Variants in VAT1L observed in about 807,000 individuals in gnomAD.
VAT1L encodes putative NADPH-dependent quinone oxidoreductase VAT1L.
Under a neutral mutation model 44.1 loss-of-function variants are expected in VAT1L, and 34 were observed. That is an observed-to-expected ratio of 0.77 (90% confidence interval 0.59 to 1.03). The LOEUF is 1.03. Ranked by LOEUF, VAT1L falls within the 50% of genes least tolerant of loss-of-function variation. The probability of loss-of-function intolerance (pLI) is 0.00; values close to 1 mark genes in which losing one functional copy is unlikely to be tolerated. For synonymous variants in VAT1L, 253 were observed against 202.2 expected, an observed-to-expected ratio of 1.25 and a Z score of -2.13; for missense variants, 615 against 538.8, an observed-to-expected ratio of 1.14 and a Z score of -1.40.
At chr16:77,931,152 G>A (rs915090417) in intron 7 of VAT1L, among the ~76,000 whole-genome samples, 8 of 152,076 alleles carry the variant, frequency 5.3e-5, no homozygotes, top group Non-Finnish European at 8.8e-5. Flanking sequence ...TTGCCTCCTC[G>A]ATAGAATTAT....
chr16:77,881,453 T>G lies in VAT1L; in HGVS notation c.882+2229T>G, dbSNP rs552095792. Among the ~76,000 whole-genome samples the G allele has an allele frequency of 4.8e-4, 73 of 152,224 alleles. 1 individual carries two copies. Among genetic ancestry groups the G allele is most frequent in the Non-Finnish European group, 1.0e-4 (7 of 68,004 alleles). ...ATTAAACCTCTGAAGAGGATAAAAA[T>G]CAAGTGCTAAAATAGAAAATAGCAG... On this transcript the variant is annotated intron_variant, in intron 6 of 8. Transcript: ENST00000302536.
At chr16:77,792,148 C>G (rs1262539065) in intron 1 of VAT1L, among the ~76,000 whole-genome samples, 1 of 152,142 alleles carries the variant, frequency 6.6e-6, no homozygotes, top group Non-Finnish European at 1.5e-5. Context: ...AAGACACTGC[C>G]GCGTTGTCAG....
At chr16:77,794,747 ACT>A (rs2015897764) in intron 1 of VAT1L, among the ~76,000 whole-genome samples, 1 of 152,050 alleles carries the variant, frequency 6.6e-6, no homozygotes, top group African/African-American at 2.4e-5. Flanking sequence ...GTTCTGAATC[ACT>A]CTGTATTGGA....
At chr16:77,794,860 A>G (rs904164072) in intron 1 of VAT1L, among the ~76,000 whole-genome samples, 1 of 152,008 alleles carries the variant, frequency 6.6e-6, no homozygotes, top group Non-Finnish European at 1.5e-5. Context: ...AGCTCGGGTC[A>G]TTTTTATTTA....
At chr16:77,833,958 G>C (rs1364811273) in intron 3 of VAT1L, among the ~76,000 whole-genome samples, 1 of 151,972 alleles carries the variant, frequency 6.6e-6, no homozygotes, top group East Asian at 1.9e-4. Flanking sequence ...TTTACTTCTG[G>C]CCCCAGTATC....
At chr16:77,962,566 C>T (rs907284789) in intron 7 of VAT1L, among the ~76,000 whole-genome samples, 5 of 133,148 alleles carry the variant, frequency 3.8e-5, no homozygotes, top group East Asian at 4.4e-4. Flanking sequence ...ATATCATAGG[C>T]GGGACCATCC....
At chr16:77,967,470 C>A (rs1055913334) in intron 7 of VAT1L, among the ~76,000 whole-genome samples, 1 of 152,170 alleles carries the variant, frequency 6.6e-6, no homozygotes, top group Non-Finnish European at 1.5e-5. Flanking sequence ...ACATTGTCAT[C>A]AGAAAGGCTC....
chr16:77,818,538 T>C (rs909558036), intron 2 of VAT1L, among the ~76,000 whole-genome samples: 2 of 152,174 alleles, frequency 1.3e-5, no homozygotes, highest in Admixed American at 6.6e-5. Context: ...AAAGAAAAGA[T>C]CATGCAGCTC....
chr16:77,885,368 G>T (rs2017199284), intron 7 of VAT1L, among the ~76,000 whole-genome samples: 1 of 152,138 alleles, frequency 6.6e-6, no homozygotes, highest in South Asian at 2.1e-4. Flanking sequence ...AACCCCTAAT[G>T]GAGCCTCGAA....
intron 7 of VAT1L, among the ~76,000 whole-genome samples, chr16:77,913,850 G>A (rs2142487652): frequency 6.6e-6 from 1 of 152,338 alleles, no homozygotes; most frequent in Middle Eastern, 3.4e-3. Flanking sequence ...ATTTGGGGAT[G>A]TAAGTTAGGG....
chr16:77,880,959 T>C (rs897017223), intron 6 of VAT1L, among the ~76,000 whole-genome samples: 24 of 152,194 alleles, frequency 1.6e-4, no homozygotes, highest in Non-Finnish European at 1.8e-4. Flanking sequence ...TAGTATTCCA[T>C]GGTGTATACG....
At chr16:77,911,412 C>T (rs2017498534) in intron 7 of VAT1L, among the ~76,000 whole-genome samples, 1 of 152,150 alleles carries the variant, frequency 6.6e-6, no homozygotes, top group South Asian at 2.1e-4. Flanking sequence ...GGATTCAGTA[C>T]TTCTCTTAAA....
intron 7 of VAT1L, among the ~76,000 whole-genome samples, chr16:77,904,200 T>C (rs888347784): frequency 2.7e-5 from 4 of 147,626 alleles, no homozygotes; most frequent in Admixed American, 6.7e-5. Context: ...TTTTTTTTTT[T>C]CCATTAAAGG....
rs374702213 is a variant in VAT1L, at chr16:77,947,525, A to AGGGTT, written c.1078-24324_1078-24320dup. Among the ~76,000 whole-genome samples, 557 of 152,228 alleles carry AGGGTT rather than the reference A, an allele frequency of 3.7e-3. 2 individuals carry two copies. The highest frequency in any genetic ancestry group is 0.013 in the African/African-American group (531 of 41,542). ...GGGCCCACTGGCCAATATTACTCTCAGGGTTATCTTCCCGAAACACACTTC... is the reference window on the plus strand; with the variant it reads ...GGGCCCACTGGCCAATATTACTCTCAGGGTTGGGTTATCTTCCCGAAACACACTTC... On this transcript the variant is annotated intron_variant, in intron 7 of 8. Transcript: ENST00000302536.
Position 77,788,795 on chromosome 16 carries a change from A to C in VAT1L, c.113A>C (p.Asp38Ala). 6.4e-7 allele frequency: 1 copy of C among 1,568,960 alleles called. No homozygotes were observed. Among genetic ancestry groups the C allele is most frequent in the Non-Finnish European group, 8.6e-7 (1 of 1,158,268 alleles). The change falls in exon 1 of 9, where the codon GAC becomes GCC. Residue 38 changes from aspartate to alanine, a missense_variant. Asp to Ala is a moderately radical substitution (Grantham distance 126). Coordinates refer to ENST00000302536, the MANE Select transcript of VAT1L (RefSeq NM_020927.3). ...GGCGACGGCTCGCACCGCCTCGGGG[A>C]CGCCCAGGAGATGCGCGCGGTGGTG... is the stretch of plus-strand genomic sequence containing the variant. ...GGGDGSHRLG[D>A]AQEMRAVVLA...
rs138820831 is a variant in VAT1L, at chr16:77,837,546, G to A, written c.579+12085G>A. On this transcript the variant is annotated intron_variant, in intron 3 of 8. Transcript: ENST00000302536. ...TCTCAGTACCCAGCACATTGGTGCT[G>A]CTTCGGAAATATTTGTAGAAGAAAT... 4.6e-5 allele frequency among the ~76,000 whole-genome samples: 7 copies of A among 152,292 alleles called. No individual in the cohort carries two copies. The East Asian group carries it at 1.4e-3, about 29-fold the overall frequency.
chr16:77,888,344 G>C (rs779585943), intron 7 of VAT1L, among the ~76,000 whole-genome samples: 4 of 152,102 alleles, frequency 2.6e-5, no homozygotes, highest in African/African-American at 4.8e-5. Context: ...TATTATTCCA[G>C]ACCCCAGTGC....
rs769854385 is a variant in VAT1L, at chr16:77,862,930, T to C, written c.722+40T>C. 1.7e-5 allele frequency: 28 copies of C among 1,603,514 alleles called. No homozygotes were observed. The Admixed American group carries it at 4.5e-4, about 26-fold the overall frequency. ...TTTGAAAAAGCACCAGGCTGGCCCT[T>C]GCTCTGCTCTCAAAGAGCAGTAGCA... is the stretch of plus-strand genomic sequence containing the variant. On this transcript the variant is annotated intron_variant, in intron 4 of 8. Transcript: ENST00000302536.
chr16:77,973,513 G>T (rs1019275587), intron 8 of VAT1L, among the ~76,000 whole-genome samples: 1 of 152,056 alleles, frequency 6.6e-6, no homozygotes, highest in Non-Finnish European at 1.5e-5. Context: ...TTGAACTCCT[G>T]ACCTCATGAT....
Sources: gnomAD v4.1 joint callset for allele counts (sites outside exome capture counted in the v4.1 genomes callset) on GRCh38, gnomAD v4.1.1 for gene constraint, MANE v1.5 for transcripts, NCBI Gene and HGNC (gene_info 2026-07-23, HGNC 2026-07-21) for gene names.